MYO1F: variants seen among roughly 807,000 people sequenced by gnomAD.
MYO1F encodes the protein myosin IF.
In MYO1F, 60 loss-of-function variants were observed where a neutral mutation model predicts 146.6. The ratio of observed to expected loss-of-function variants is 0.41; its 90% CI spans 0.33 to 0.51. The LOEUF (loss-of-function observed/expected upper bound fraction) is 0.51. Ranked by LOEUF, MYO1F falls within the 20% of genes least tolerant of loss-of-function variation. The pLI is 0.25. For missense variants in MYO1F, 1,274 were observed against 1,534.3 expected, an observed-to-expected ratio of 0.83 and a Z score of 2.83; for synonymous variants, 602 against 602.1, an observed-to-expected ratio of 1.00 and a Z score of 0.00.
chr19:8,537,482 C>T (rs1213593101), intron 16 of MYO1F, among the ~76,000 whole-genome samples: 2 of 152,118 alleles, frequency 1.3e-5, no homozygotes, highest in Admixed American at 1.3e-4. Context: ...TGCTCTGTCA[C>T]CCAGGCTGGA....
intron 1 of MYO1F, among the ~76,000 whole-genome samples, chr19:8,572,330 C>T (rs1436048579): frequency 2.0e-5 from 3 of 151,948 alleles, no homozygotes; most frequent in Non-Finnish European, 2.9e-5. Flanking sequence ...TGTAGTGGTG[C>T]GATCTCAGCT....
At chr19:8,553,529 C>T (rs1415978665) in intron 4 of MYO1F, 92 bp from the exon 5 acceptor site, 2 of 1,027,052 alleles carry the variant, frequency 1.9e-6, no homozygotes, top group Non-Finnish European at 3.1e-6. Context: ...TACTGTGTGC[C>T]TGCCAGTATT....
At chr19:8,553,304 G>A in intron 5 of MYO1F, 46 bp downstream of exon 5, 3 of 1,609,492 alleles carry the variant, frequency 1.9e-6, no homozygotes, top group Non-Finnish European at 2.6e-6. Context: ...GCACTACCAT[G>A]CAGGTGAGGG....
intron 2 of MYO1F, 72 bp from the exon 3 acceptor site, chr19:8,554,815 C>A (rs1568362640): frequency 7.4e-7 from 1 of 1,342,724 alleles, no homozygotes; most frequent in Non-Finnish European, 1.1e-6. Flanking sequence ...CCTGCCCCCA[C>A]CCAGGGCTTC....
intron 1 of MYO1F, 62 bp from the exon 2 acceptor site, chr19:8,555,858 G>T (rs939948694): frequency 2.0e-6 from 3 of 1,511,688 alleles, no homozygotes; most frequent in East Asian, 4.6e-5. Context: ...CTGGCTCACC[G>T]ACGCTATCAG....
rs1394207116 is a variant in MYO1F, at chr19:8,522,820, C to T, written c.2864G>A (p.Arg955His). 5.7e-6 allele frequency: 9 copies of T among 1,570,684 alleles called. No homozygotes were observed. In the African/African-American group the frequency reaches 6.8e-5, roughly 12 times the overall value. The change falls in exon 26 of 28, where the codon CGC becomes CAC. Residue 955 changes from arginine to histidine, a missense_variant. Coordinates refer to ENST00000644032, the MANE Select transcript of MYO1F (RefSeq NM_012335.4). ...TCTGGCAGAGGGGGGCACCCCATTG[C>T]GATCCATGCCTGTGGCAGGAGCAAG... is the stretch of plus-strand genomic sequence containing the variant. ...AAPAPPRGMD[R>H]NGVPPSARGG...
At chr19:8,568,179 T>C (rs2042040300) in intron 1 of MYO1F, among the ~76,000 whole-genome samples, 1 of 152,016 alleles carries the variant, frequency 6.6e-6, no homozygotes, top group Non-Finnish European at 1.5e-5. Context: ...ATCCCAGCAC[T>C]TTGGGAGGCC....
At chr19:8,539,816 A>G (rs1972880705) in intron 16 of MYO1F, 131 bp downstream of exon 16, 1 of 777,222 alleles carries the variant, frequency 1.3e-6, no homozygotes, top group Non-Finnish European at 2.1e-6. Flanking sequence ...ATGACGTCAC[A>G]GTCAGAGGCA....
chr19:8,544,490 C>T (rs749917294), intron 13 of MYO1F, 26 bp from the exon 14 acceptor site: 4 of 1,522,802 alleles, frequency 2.6e-6, no homozygotes, highest in South Asian at 2.2e-5. Flanking sequence ...GAGCCAGCAG[C>T]GGCTCAGTTT....
chr19:8,568,978 C>A (rs2042060707), intron 1 of MYO1F, among the ~76,000 whole-genome samples: 1 of 152,014 alleles, frequency 6.6e-6, no homozygotes, highest in South Asian at 2.1e-4. Flanking sequence ...GTCTCTGAAA[C>A]AAGTACAGGA....
chr19:8,553,920 T>TCTCG (rs1555726934), intron 4 of MYO1F, among the ~76,000 whole-genome samples: 5 of 147,984 alleles, frequency 3.4e-5, no homozygotes, highest in South Asian at 2.1e-4. Context: ...TCTCTCTCTC[T>TCTCG]CTCGCTCTCT....
At chr19:8,542,095 G>A in intron 14 of MYO1F, 104 bp from the exon 15 acceptor site, 1 of 846,410 alleles carries the variant, frequency 1.2e-6, no homozygotes, top group Non-Finnish European at 2.0e-6. Flanking sequence ...CCTGGGGCCT[G>A]CTGTGGGGTG....
intron 1 of MYO1F, among the ~76,000 whole-genome samples, chr19:8,561,468 CTCTTTCTTTT>C (rs1974120011): frequency 7.8e-6 from 1 of 128,732 alleles, no homozygotes. Context: ...CCCTCTCTCT[CTCTTTCTTTT>C]TCTCTTTCTT....
intron 1 of MYO1F, among the ~76,000 whole-genome samples, chr19:8,565,173 A>T (rs2041980185): frequency 6.6e-6 from 1 of 152,086 alleles, no homozygotes; most frequent in Admixed American, 6.6e-5. Context: ...CTGGGAGTAC[A>T]GGCGTGAGCC....
At chr19:8,567,148 G>A (rs1441915797) in intron 1 of MYO1F, among the ~76,000 whole-genome samples, 1 of 145,480 alleles carries the variant, frequency 6.9e-6, no homozygotes, top group Admixed American at 7.2e-5. Flanking sequence ...TGCAACCTCC[G>A]TCTCCCAGGT....
chr19:8,572,596 T>C (rs2145989121), intron 1 of MYO1F, among the ~76,000 whole-genome samples: 1 of 152,218 alleles, frequency 6.6e-6, no homozygotes, highest in Middle Eastern at 3.4e-3. Context: ...TGATTCTTTC[T>C]CCTAAATTCC....
chr19:8,559,062 T>C (rs1319884083), intron 1 of MYO1F, among the ~76,000 whole-genome samples: 1 of 151,724 alleles, frequency 6.6e-6, no homozygotes, highest in Non-Finnish European at 1.5e-5. Context: ...GTATTTTTGG[T>C]AGAGACGGGG....
intron 15 of MYO1F, among the ~76,000 whole-genome samples, chr19:8,541,421 GTGTGT>G (rs1972960432): frequency 7.7e-6 from 1 of 130,316 alleles, no homozygotes; most frequent in African/African-American, 3.0e-5. Flanking sequence ...GTGTGTGTGT[GTGTGT>G]TTTTTTTTTT....
At chr19:8,547,790 AC>A in intron 12 of MYO1F, 1 of 513,534 alleles carries the variant, frequency 1.9e-6, no homozygotes, top group Non-Finnish European at 3.5e-6. Context: ...AGCACCCTAA[AC>A]AGTACCTGGC....
Sources: gnomAD v4.1 joint callset for allele counts (sites outside exome capture counted in the v4.1 genomes callset) on GRCh38, gnomAD v4.1.1 for gene constraint, MANE v1.5 for transcripts, NCBI Gene and HGNC (gene_info 2026-07-23, HGNC 2026-07-21) for gene names.